SLC4A3: variants seen among roughly 807,000 people sequenced by gnomAD.
SLC4A3 encodes solute carrier family 4 member 3, also known as anion exchange protein 3.
Under a neutral mutation model 114.2 loss-of-function variants are expected in SLC4A3, and 47 were observed. That is an observed-to-expected ratio of 0.41 (90% CI 0.33 to 0.52). The LOEUF (loss-of-function observed/expected upper bound fraction) is 0.52. SLC4A3 is among the 20% of genes least tolerant of loss of function. The pLI, the probability that SLC4A3 is intolerant of heterozygous loss-of-function variation, is 0.21. For missense variants in SLC4A3, 1,312 were observed against 1,668.3 expected, an observed-to-expected ratio of 0.79 and a Z score of 3.72; for synonymous variants, 693 against 710.3, an observed-to-expected ratio of 0.98 and a Z score of 0.39.
chr2:219,636,828 T>G lies in SLC4A3; in HGVS notation c.2489T>G (p.Leu830Arg). 6.2e-7 allele frequency: 1 copy of G among 1,614,054 alleles called. No individual in the cohort carries two copies. The highest frequency in any genetic ancestry group is 8.5e-7 in the Non-Finnish European group (1 of 1,179,964). The stretch of plus-strand genomic sequence containing the variant: ...TTCACCCAGGAGATCTTTGCCTTTC[T>G]CATCTCACTCATTTTCATCTACGAG... ...SPFTQEIFAF[L>R]ISLIFIYETF... Residue 830 changes from leucine to arginine, a missense_variant, in exon 16 of 23, where the codon CTC becomes CGC. By Grantham distance (102) the Leu-to-Arg change is moderately radical (BLOSUM62 -2). This residue lies in a region of SLC4A3 where 771 missense variants were observed against 977.7 expected (regional missense o/e 0.79). Transcript: ENST00000358055. This position sits in a 1 kb window ranked among gnomAD's most constrained non-coding sequence, Gnocchi z 5.5.
At position 219,641,809 on chromosome 2, in the gene SLC4A3, TG is replaced by T; in HGVS notation, c.*87del. 1 of 1,201,926 alleles carries T rather than the reference TG, an allele frequency of 8.3e-7. No homozygotes were observed. The highest frequency in any genetic ancestry group is 1.2e-6 in the Non-Finnish European group (1 of 813,730). The allele number at this position is 1,201,926 out of a possible 1,614,324, so 74.5% of individuals were successfully genotyped here. On this transcript the variant is annotated 3_prime_UTR_variant, in exon 23 of 23. Transcript: ENST00000358055. The surrounding 1 kb of genome is among the most constrained non-coding windows in gnomAD (Gnocchi z 4.0). ...CCTCAGGCAGAGCCCAGCCCTGGGC[TG>T]GGGGGCTCCTCAGGACCCAGAGATG...
intron 20 of SLC4A3, 110 bp from the exon 21 acceptor site, chr2:219,640,320 C>A: frequency 7.9e-7 from 1 of 1,273,222 alleles, no homozygotes; most frequent in Non-Finnish European, 1.1e-6. Flanking sequence ...GCCTCTCCAT[C>A]CTCACGGGGG....
rs765212562 is a variant in SLC4A3, at chr2:219,632,111, C to T, written c.955C>T (p.His319Tyr). Residue 319 changes from histidine to tyrosine, a missense_variant, in exon 7 of 23, where the codon CAT (histidine) becomes TAT (tyrosine). His to Tyr is a moderately conservative substitution (Grantham distance 83). Transcript: ENST00000358055. ...KKKKKLDRRP[H>Y]EVFVELNELM... ...GAAGAAAAAGCTGGACCGGAGGCCT[C>T]ATGAGGTCAGGATGCTGACTGGGTG... 12 of 1,613,184 alleles carry T rather than the reference C, an allele frequency of 7.4e-6. No individual in the cohort carries two copies. In the Admixed American group the frequency reaches 1.8e-4, roughly 25 times the overall value.
chr2:219,640,399 G>A, intron 20 of SLC4A3, 31 bp from the exon 21 acceptor site: 2 of 1,595,588 alleles, frequency 1.3e-6, no homozygotes, highest in Non-Finnish European at 1.7e-6. Flanking sequence ...GGCTGTCTGA[G>A]GGTCAGGCGG....
In SLC4A3 at chr2:219,639,831, CTG is replaced by C; in HGVS notation, c.3277+102_3277+103del. The C allele has an allele frequency of 6.8e-7, 1 of 1,479,890 alleles. No homozygotes were observed. The highest frequency in any genetic ancestry group is 9.1e-7 in the Non-Finnish European group (1 of 1,097,690). The allele number at this position is 1,479,890 out of a possible 1,614,324, so 91.7% of individuals were successfully genotyped here. A position where few individuals can be genotyped will look rare whatever the true frequency, so the allele number is the denominator to read the frequency against. On this transcript the variant is annotated intron_variant, in intron 20 of 22. Transcript: ENST00000358055. The surrounding 1 kb of genome is among the most constrained non-coding windows in gnomAD (Gnocchi z 5.9). ...GCTTGACCCTGAATCTCCCAATGTG[CTG>C]TGTGTTGCCCTCAATCTGACCCCCA...
Position 219,637,534 on chromosome 2 carries a change from G to A in SLC4A3, c.2536-47G>A, listed in dbSNP as rs931738760. 2 of 1,081,012 alleles carry A rather than the reference G, an allele frequency of 1.9e-6. No homozygotes were observed. The highest frequency in any genetic ancestry group is 3.1e-5 in the African/African-American group (2 of 63,896). 67.0% of individuals were successfully genotyped at this position (1,081,012 alleles called of 1,614,324 possible). A position where few individuals can be genotyped will look rare whatever the true frequency, so the allele number is the denominator to read the frequency against. ...GGTGTACTGATGACGATGAAGTCAGGTCACCTGCCAGGTGAGTGACAAGGC... is the reference window on the plus strand; with the variant it reads ...GGTGTACTGATGACGATGAAGTCAGATCACCTGCCAGGTGAGTGACAAGGC... On this transcript the variant is annotated intron_variant, in intron 16 of 22. Coordinates refer to ENST00000358055, the MANE Select transcript of SLC4A3 (RefSeq NM_005070.4). This position sits in a 1 kb window ranked among gnomAD's most constrained non-coding sequence, Gnocchi z 4.6.
rs589767 is a variant in SLC4A3, at chr2:219,635,701, G to A, written c.2001G>A (p.Glu667=). The A allele has an allele frequency of 8.6e-3, 13,656 of 1,592,966 alleles. 1,006 individuals carry two copies. In the African/African-American group the frequency reaches 0.16, roughly 19 times the overall value. Residue 667 remains glutamate, a synonymous_variant, in exon 14 of 23, where the codon GAG becomes GAA. Transcript: ENST00000358055. ...TGTCTTTGGAGTTGGGGGGCTCTGA[G>A]GCAACCCCTGAAGATGACCCCTTGC... is the stretch of plus-strand genomic sequence containing the variant. ...KELSLELGGS[E]ATPEDDPLLR...
Position 219,633,995 on chromosome 2 carries a change from C to A in SLC4A3, c.1561+16C>A. ...GTGCTTGTGGGTGAGGAGGGCCGGG[C>A]GCCGGGGGCAGGGTCTGCAGTGTGT... On this transcript the variant is annotated intron_variant, in intron 11 of 22. Coordinates refer to ENST00000358055, the MANE Select transcript of SLC4A3 (RefSeq NM_005070.4). 6.5e-7 allele frequency: 1 copy of A among 1,540,446 alleles called. No individual in the cohort carries two copies. Among genetic ancestry groups the A allele is most frequent in the Non-Finnish European group, 8.8e-7 (1 of 1,141,230 alleles).
chr2:219,633,427 A>T lies in SLC4A3; in HGVS notation c.1431A>T (p.Pro477=), dbSNP rs1699008794. 2 of 1,562,842 alleles carry T rather than the reference A, an allele frequency of 1.3e-6. No individual in the cohort carries two copies. The highest frequency in any genetic ancestry group is 2.7e-5 in the African/African-American group (2 of 72,812). Residue 477 remains proline, a synonymous_variant, in exon 10 of 23, where the codon CCA becomes CCT. Transcript: ENST00000358055. ...CTGATGACCTGGGGGAGCCAGCCCC[A>T]CTCTGGCCACATGACCCTGACGCCA... ...TMADDLGEPA[P]LWPHDPDAKE...
rs1230202379 is a variant in SLC4A3, at chr2:219,639,873, C to A, written c.3277+138C>A. The A allele has an allele frequency of 1.1e-5, 12 of 1,097,522 alleles. No homozygotes were observed. The East Asian group carries it at 1.8e-4, about 17-fold the overall frequency. 68.0% of individuals were successfully genotyped at this position (1,097,522 alleles called of 1,614,324 possible). On this transcript the variant is annotated intron_variant, in intron 20 of 22. Transcript: ENST00000358055. This position sits in a 1 kb window ranked among gnomAD's most constrained non-coding sequence, Gnocchi z 5.9. ...TCTGACCCCCAAACCTGCTTCCCAG[C>A]ACTCCCCTAGCCCTTTACTCCTGGA... is the stretch of plus-strand genomic sequence containing the variant.
Position 219,636,312 on chromosome 2 carries a change from C to T in SLC4A3, c.2202C>T (p.Thr734=), listed in dbSNP as rs200789217. 2.0e-5 allele frequency: 32 copies of T among 1,613,686 alleles called. No individual in the cohort carries two copies. In the East Asian group the frequency reaches 4.7e-4, roughly 24 times the overall value. Residue 734 remains threonine (T), a synonymous_variant, in exon 15 of 23, where the codon ACC becomes ACT. Transcript: ENST00000358055. The surrounding 1 kb of genome is among the most constrained non-coding windows in gnomAD (Gnocchi z 5.5). ...CCCGTGCTATGGCAGGAGAGAAGACCGAGGGGCTGATGGGCGTGTCCGAGC... is the reference window on the plus strand; with the variant it reads ...CCCGTGCTATGGCAGGAGAGAAGACTGAGGGGCTGATGGGCGTGTCCGAGC... ...ITFGGLLGEK[T]EGLMGVSELI... is the part of the protein sequence containing the mutation.
rs1406062098 is a variant in SLC4A3 at position 219,639,710 on chromosome 2, T to C, written c.3252T>C (p.Thr1084=). The C allele has an allele frequency of 6.2e-7, 1 of 1,610,036 alleles. No individual in the cohort carries two copies. Among genetic ancestry groups the C allele is most frequent in the East Asian group, 2.2e-5 (1 of 44,866 alleles). The change falls in exon 20 of 23, where the codon ACT becomes ACC. Residue 1084 remains threonine (T), a synonymous_variant. Transcript: ENST00000358055. The surrounding 1 kb of genome is among the most constrained non-coding windows in gnomAD (Gnocchi z 5.9). ...QIQEVREQRV[T]GVLIASLVGL... ...AGGAGGTGCGGGAGCAGCGGGTCAC[T>C]GGTGTGCTCATCGCCAGCCTCGTGG...
intron 12 of SLC4A3, 70 bp downstream of exon 12, chr2:219,634,674 A>G (rs1699056957): frequency 1.3e-6 from 2 of 1,513,378 alleles, no homozygotes; most frequent in Non-Finnish European, 1.8e-6. Flanking sequence ...CATTGTCCAC[A>G]GTGGTGCCCA....
At position 219,634,438 on chromosome 2, in the gene SLC4A3, AGCAGCCT is replaced by A; in HGVS notation, c.1586_1592del (p.Pro529GlnfsTer6). On this transcript the variant is annotated frameshift_variant, in exon 12 of 23. Coordinates refer to ENST00000358055, the MANE Select transcript of SLC4A3 (RefSeq NM_005070.4). LOFTEE classifies it high-confidence loss of function. ...CCCCTAGGTTGTGTGCCTTTCTTGGAGCAGCCTGCAGCAGCCTTCGTGCGTCTGAATG... is the reference window on the plus strand; with the variant it reads ...CCCCTAGGTTGTGTGCCTTTCTTGGAGCAGCAGCCTTCGTGCGTCTGAATG... 1 of 1,613,998 alleles carries A rather than the reference AGCAGCCT, an allele frequency of 6.2e-7. No individual in the cohort carries two copies. The highest frequency in any genetic ancestry group is 8.5e-7 in the Non-Finnish European group (1 of 1,179,990).
chr2:219,628,294 G>C lies in SLC4A3; in HGVS notation c.52-111G>C, dbSNP rs955950871. 66 of 1,176,804 alleles carry C rather than the reference G, an allele frequency of 5.6e-5. No individual in the cohort carries two copies. The highest frequency in any genetic ancestry group is 1.3e-5 in the Non-Finnish European group (11 of 850,136). The allele number at this position is 1,176,804 out of a possible 1,614,324, so 72.9% of individuals were successfully genotyped here. A position where few individuals can be genotyped will look rare whatever the true frequency, so the allele number is the denominator to read the frequency against. On this transcript the variant is annotated intron_variant, in intron 2 of 22. Transcript: ENST00000358055. This position sits in a 1 kb window ranked among gnomAD's most constrained non-coding sequence, Gnocchi z 4.8. ...ACAGGCCTGGGAGCAAGGGGAGGGG[G>C]CCCGATGGTGTGAGAGCCTGCTGAG...
chr2:219,630,236 G>A lies in SLC4A3; in HGVS notation c.695G>A (p.Arg232Gln), dbSNP rs777491847. The A allele has an allele frequency of 1.9e-5, 30 of 1,613,178 alleles. No homozygotes were observed. The highest frequency in any genetic ancestry group is 7.7e-5 in the South Asian group (7 of 91,064). Residue 232 changes from arginine to glutamine, a missense_variant, in exon 6 of 23, where the codon CGG (arginine) becomes CAG (glutamine). Arg to Gln is a conservative substitution (Grantham distance 43). Around this residue, in one of 4 missense-constraint regions of SLC4A3, gnomAD observed 771 missense variants for 977.7 expected, o/e 0.79. Transcript: ENST00000358055. This position sits in a 1 kb window ranked among gnomAD's most constrained non-coding sequence, Gnocchi z 6.9. ...AGCCCATCGGCCAGTTATGACCTGC[G>A]GGAGCGACTGTGCCCAGGCAGTGCC... ...PWSPSASYDL[R>Q]ERLCPGSALG...
In SLC4A3 at chr2:219,640,562, C is replaced by G; in HGVS notation, c.3410C>G (p.Pro1137Arg). 6.2e-7 allele frequency: 1 copy of G among 1,614,126 alleles called. No homozygotes were observed. Among genetic ancestry groups the G allele is most frequent in the Non-Finnish European group, 8.5e-7 (1 of 1,179,994 alleles). Reference sequence around the variant, plus strand: ...CAGCGTTTGTTGCTCATCCTCATGCCGGCAAAACACCATCCTGAGCAGCCC... The same window carrying G: ...CAGCGTTTGTTGCTCATCCTCATGCGGGCAAAACACCATCCTGAGCAGCCC... ...LSQRLLLILM[P>R]AKHHPEQPYV... The change falls in exon 21 of 23, where the codon CCG becomes CGG. Residue 1137 changes from proline (P) to arginine (R), a missense_variant. This residue lies in a region of SLC4A3 where 301 missense variants were observed against 460.7 expected (regional missense o/e 0.65). Transcript: ENST00000358055.
At position 219,641,771 on chromosome 2, in the gene SLC4A3, A is replaced by G; in HGVS notation, c.*43A>G. ...CCTCAGAGACCCCAAGACCTTAGGG[A>G]TTGACACCTGGGCCTCAGGCAGAGC... On this transcript the variant is annotated 3_prime_UTR_variant, in exon 23 of 23. Coordinates refer to ENST00000358055, the MANE Select transcript of SLC4A3 (RefSeq NM_005070.4). The surrounding 1 kb of genome is among the most constrained non-coding windows in gnomAD (Gnocchi z 4.0). 4 of 1,519,488 alleles carry G rather than the reference A, an allele frequency of 2.6e-6. No individual in the cohort carries two copies. The highest frequency in any genetic ancestry group is 3.7e-6 in the Non-Finnish European group (4 of 1,094,216). The allele number at this position is 1,519,488 out of a possible 1,614,324, so 94.1% of individuals were successfully genotyped here. A position where few individuals can be genotyped will look rare whatever the true frequency, so the allele number is the denominator to read the frequency against.
chr2:219,640,807 C>T lies in SLC4A3; in HGVS notation c.3466C>T (p.His1156Tyr). The change falls in exon 22 of 23, where the codon CAT becomes TAT. Residue 1156 changes from histidine to tyrosine, a missense_variant. Around this residue, in one of 4 missense-constraint regions of SLC4A3, gnomAD observed 301 missense variants for 460.7 expected, o/e 0.65. Coordinates refer to ENST00000358055, the MANE Select transcript of SLC4A3 (RefSeq NM_005070.4). ...CCCCTAGGTGAAGACGTGGCGGATGCATCTGTTCACCTGCATCCAGCTGGG... is the reference window on the plus strand; with the variant it reads ...CCCCTAGGTGAAGACGTGGCGGATGTATCTGTTCACCTGCATCCAGCTGGG... ...YVTKVKTWRM[H>Y]LFTCIQLGCI... is the part of the protein sequence containing the mutation. 1 of 1,612,008 alleles carries T rather than the reference C, an allele frequency of 6.2e-7. No homozygotes were observed. Among genetic ancestry groups the T allele is most frequent in the Non-Finnish European group, 8.5e-7 (1 of 1,179,882 alleles).
Sources: allele counts gnomAD v4.1 joint callset, GRCh38; gene constraint gnomAD v4.1.1; regional missense constraint gnomAD v4.1.1; non-coding constraint Gnocchi (gnomAD v3.1); transcripts MANE v1.5; gene names NCBI Gene and HGNC (gene_info 2026-07-23, HGNC 2026-07-21).